KIF11: variants seen among roughly 807,000 people sequenced by gnomAD.
KIF11 encodes the protein kinesin family member 11.
KIF11 carries 9 observed loss-of-function variants against 121.0 expected under a neutral mutation model. That is an observed-to-expected ratio of 0.07 (90% CI 0.04 to 0.13). The LOEUF (loss-of-function observed/expected upper bound fraction) is 0.13, where lower values mean the gene tolerates loss of function less well. Among genes scored for constraint, KIF11 ranks in the 10% least tolerant of loss-of-function variants. KIF11 has a pLI of 1.00. For missense variants in KIF11, 846 were observed against 1,217.5 expected (o/e 0.69, Z 4.54); for synonymous variants, 408 against 421.0 (o/e 0.97, Z 0.38).
Position 92,637,300 on chromosome 10 carries a change from G to A in KIF11, c.1992G>A (p.Val664=). Residue 664 remains valine, a synonymous_variant, in exon 15 of 22, where the codon GTG becomes GTA. Transcript: ENST00000260731. ...ATATTTTCAAGACTTCATTGACAGT[G>A]GCCGATAAGGTAACAAATGCTATGT... is the stretch of plus-strand genomic sequence containing the variant. ...LKHIFKTSLT[V]ADKIEDQKKE... is the part of the protein sequence containing the mutation. 6.3e-7 allele frequency: 1 copy of A among 1,592,990 alleles called. No individual in the cohort carries two copies. The highest frequency in any genetic ancestry group is 8.5e-7 in the Non-Finnish European group (1 of 1,175,472).
In KIF11 at chr10:92,612,819, C is replaced by G. The variant is rs571402836; in HGVS notation, c.699-221C>G. On this transcript the variant is annotated intron_variant, in intron 6 of 21. Transcript: ENST00000260731. Reference sequence around the variant, plus strand: ...GGATTCTAAGTCTTTTAGAGAGCTTCTTATTGATGCCTCTTTTGCAGGCAG... The same window carrying G: ...GGATTCTAAGTCTTTTAGAGAGCTTGTTATTGATGCCTCTTTTGCAGGCAG... Among the ~76,000 whole-genome samples, 13 of 152,304 alleles carry G rather than the reference C, an allele frequency of 8.5e-5. No homozygotes were observed. The South Asian group carries it at 2.7e-3, about 32-fold the overall frequency.
chr10:92,618,721 G>A (rs1380562585), intron 9 of KIF11, among the ~76,000 whole-genome samples: 1 of 151,396 alleles, frequency 6.6e-6, no homozygotes, highest in African/African-American at 2.4e-5. Context: ...ATATTACCAC[G>A]GGGATATTGA....
Position 92,593,425 on chromosome 10 carries a change from A to G in KIF11, c.50A>G (p.Lys17Arg). Residue 17 changes from lysine (K) to arginine (R), a missense_variant, in exon 1 of 22, where the codon AAG becomes AGG. By Grantham distance (26) the Lys-to-Arg change is conservative. This residue lies in a region of KIF11 where 140 missense variants were observed against 193.5 expected (regional missense o/e 0.72). Coordinates refer to ENST00000260731, the MANE Select transcript of KIF11 (RefSeq NM_004523.4). ...GCGAAGAAGAAAGAGGAGAAGGGGA[A>G]GAACATCCAGGTGGTGGTGAGATGC... ...SSAKKKEEKG[K>R]NIQVVVRCRP... is the part of the protein sequence containing the mutation. 3.7e-6 allele frequency: 6 copies of G among 1,611,244 alleles called. No homozygotes were observed. Among genetic ancestry groups the G allele is most frequent in the Non-Finnish European group, 4.2e-6 (5 of 1,178,970 alleles).
intron 1 of KIF11, chr10:92,597,357 A>G: frequency 5.9e-6 from 1 of 168,076 alleles, no homozygotes; most frequent in Non-Finnish European, 1.3e-5. Context: ...TCTGCCTGTC[A>G]GGTTCAAGCA....
intron 21 of KIF11, 113 bp from the exon 22 acceptor site, chr10:92,653,552 T>C: frequency 7.8e-6 from 8 of 1,025,742 alleles, no homozygotes; most frequent in South Asian, 2.1e-5. Context: ...TTTTTGGTTT[T>C]CTACACTTAA....
At chr10:92,614,243 C>T (rs1379502341) in intron 8 of KIF11, among the ~76,000 whole-genome samples, 1 of 151,906 alleles carries the variant, frequency 6.6e-6, no homozygotes, top group Non-Finnish European at 1.5e-5. Context: ...ATTACAGGCA[C>T]CTGCCACCAC....
chr10:92,638,643 C>G (rs542077342), intron 16 of KIF11, among the ~76,000 whole-genome samples: 3 of 152,150 alleles, frequency 2.0e-5, no homozygotes, highest in South Asian at 2.1e-4. Flanking sequence ...GAAGCAAGTT[C>G]AGTATGTGAG....
chr10:92,653,560 T>C (rs1845010996), intron 21 of KIF11, 105 bp from the exon 22 acceptor site: 1 of 1,122,494 alleles, frequency 8.9e-7, no homozygotes, highest in Non-Finnish European at 1.2e-6. Flanking sequence ...TTTCTACACT[T>C]AAGTTTTTTT....
intron 4 of KIF11, among the ~76,000 whole-genome samples, chr10:92,607,881 A>C (rs2135901505): frequency 6.6e-6 from 1 of 152,146 alleles, no homozygotes; most frequent in South Asian, 2.1e-4. Flanking sequence ...TTGGTCGGGC[A>C]CGGTGGCTCA....
rs765785937 is a variant in KIF11 at position 92,606,301 on chromosome 10, T to C, written c.114T>C (p.His38=). 8.1e-6 allele frequency: 13 copies of C among 1,606,496 alleles called. No homozygotes were observed. In the Admixed American group the frequency reaches 1.9e-4, roughly 24 times the overall value. ...TGGCAGAGCGGAAAGCTAGCGCCCA[T>C]TCAATAGTAGAATGTGATCCTGTAC... is the stretch of plus-strand genomic sequence containing the variant. ...FNLAERKASA[H]SIVECDPVRK... is the part of the protein sequence containing the mutation. Residue 38 remains histidine (H), a synonymous_variant, in exon 2 of 22, where the codon CAT becomes CAC. Transcript: ENST00000260731.
At chr10:92,629,531 A>T (rs566873725) in intron 11 of KIF11, among the ~76,000 whole-genome samples, 7 of 152,298 alleles carry the variant, frequency 4.6e-5, no homozygotes, top group African/African-American at 1.7e-4. Context: ...GAGAGACTGG[A>T]TGTTAAATAA....
At position 92,624,643 on chromosome 10, in the gene KIF11, T is replaced by C. The variant is rs117674256; in HGVS notation, c.1217+3170T>C. Among the ~76,000 whole-genome samples the C allele has an allele frequency of 5.9e-5, 9 of 152,344 alleles. No individual in the cohort carries two copies. In the East Asian group the frequency reaches 1.7e-3, roughly 29 times the overall value. On this transcript the variant is annotated intron_variant, in intron 10 of 21. Transcript: ENST00000260731. ...GATAGCTAGGTTGATTCCACGTCTT[T>C]GCTGCTGTGAATAGTGCTATGATGA...
At chr10:92,648,156 A>G (rs1433288696) in intron 18 of KIF11, 56 bp from the exon 19 acceptor site, 1 of 1,225,032 alleles carries the variant, frequency 8.2e-7, no homozygotes, top group Non-Finnish European at 1.1e-6. Flanking sequence ...ATGATGTTGA[A>G]TAAAACACTG....
At chr10:92,632,807 C>A in intron 13 of KIF11, 114 bp downstream of exon 13, 1 of 559,294 alleles carries the variant, frequency 1.8e-6, no homozygotes, top group Non-Finnish European at 3.1e-6. Flanking sequence ...CTACCATGCA[C>A]AAACTATTTG....
At chr10:92,602,835 T>TACACACACAC (rs1387853440) in intron 1 of KIF11, among the ~76,000 whole-genome samples, 2 of 143,758 alleles carry the variant, frequency 1.4e-5, no homozygotes, top group African/African-American at 5.0e-5. Context: ...CGTGTGTGTG[T>TACACACACAC]GTGTGTGTGT....
chr10:92,637,531 C>A lies in KIF11; in HGVS notation c.2146C>A (p.Gln716Lys), dbSNP rs1844819859. ...NLTEDLKTIK[Q>K]THSQELCKLM... ...AACTGAAGACCTGAAGACAATAAAG[C>A]AGACCCATTCCCAGGTATGTTGTTT... Residue 716 changes from glutamine to lysine, a missense_variant, in exon 16 of 22, where the codon CAG becomes AAG. Transcript: ENST00000260731. 6.2e-7 allele frequency: 1 copy of A among 1,601,298 alleles called. No homozygotes were observed. Among genetic ancestry groups the A allele is most frequent in the Non-Finnish European group, 8.5e-7 (1 of 1,177,384 alleles).
In KIF11 at chr10:92,650,407, G is replaced by A. The variant is rs1029077877; in HGVS notation, c.2929G>A (p.Asp977Asn). The change falls in exon 21 of 22, where the codon GAT becomes AAT. Residue 977 changes from aspartate (D) to asparagine (N), a missense_variant. By Grantham distance (23) the Asp-to-Asn change is conservative. Transcript: ENST00000260731. ...NNKEETIPDVDVEEAVLGQYT... is the reference protein window; with the variant it reads ...NNKEETIPDVNVEEAVLGQYT... The stretch of plus-strand genomic sequence containing the variant: ...ATCCAGTTTCTTCTTTTAGGATGTG[G>A]ATGTAGAAGAGGCAGTTCTGGGGCA... The A allele has an allele frequency of 3.1e-6, 5 of 1,595,798 alleles. No individual in the cohort carries two copies.
intron 14 of KIF11, among the ~76,000 whole-genome samples, chr10:92,635,172 G>A (rs1844783463): frequency 6.6e-6 from 1 of 152,102 alleles, no homozygotes; most frequent in African/African-American, 2.4e-5. Flanking sequence ...CATTTTCCAA[G>A]TAAATACTAC....
In KIF11 at chr10:92,609,215, T is replaced by A. The variant is rs776530411; in HGVS notation, c.573+10T>A. On this transcript the variant is annotated intron_variant, in intron 5 of 21. Coordinates refer to ENST00000260731, the MANE Select transcript of KIF11 (RefSeq NM_004523.4). Reference sequence around the variant, plus strand: ...TGATCCCCGTAACAAGGTAATTCAGTCTTTGAGAATGAAATGTCTCTGAAT... The same window carrying A: ...TGATCCCCGTAACAAGGTAATTCAGACTTTGAGAATGAAATGTCTCTGAAT... 1 of 1,552,928 alleles carries A rather than the reference T, an allele frequency of 6.4e-7. No homozygotes were observed. Among genetic ancestry groups the A allele is most frequent in the East Asian group, 2.3e-5 (1 of 44,174 alleles).
Sources: gnomAD v4.1 joint callset for allele counts (sites outside exome capture counted in the v4.1 genomes callset) on GRCh38, gnomAD v4.1.1 for gene constraint, gnomAD v4.1.1 regional missense constraint, MANE v1.5 for transcripts, NCBI Gene and HGNC (gene_info 2026-07-23, HGNC 2026-07-21) for gene names.